The following NFX1 variants were observed in gnomAD, a reference collection of about 807,000 sequenced individuals.
NFX1 encodes nuclear transcription factor, X-box binding 1.
Under a neutral mutation model 137.2 loss-of-function variants are expected in NFX1, and 69 were observed. That is an observed-to-expected ratio of 0.50 (90% confidence interval 0.41 to 0.61). The LOEUF (loss-of-function observed/expected upper bound fraction) is 0.61, where lower values mean the gene tolerates loss of function less well. Ranked by LOEUF, NFX1 falls within the 20% of genes least tolerant of loss-of-function variation. The pLI is 0.00. For missense variants in NFX1, 1,167 were observed against 1,391.0 expected (o/e 0.84, Z 2.56); for synonymous variants, 495 against 474.1 (o/e 1.04, Z -0.57).
chr9:33,297,559 G>C (rs1821401916), intron 2 of NFX1, among the ~76,000 whole-genome samples: 1 of 152,200 alleles, frequency 6.6e-6, no homozygotes. Context: ...TCTGCTCAGT[G>C]TCTCCAAATT....
intron 9 of NFX1, among the ~76,000 whole-genome samples, chr9:33,324,523 G>T (rs1822506121): frequency 6.6e-6 from 1 of 152,132 alleles, no homozygotes. Context: ...TGCGCTTCAG[G>T]TGGGCAAGAA....
intron 9 of NFX1, among the ~76,000 whole-genome samples, chr9:33,320,606 A>C (rs1822349774): frequency 6.6e-6 from 1 of 152,206 alleles, no homozygotes; most frequent in African/African-American, 2.4e-5. Context: ...GCTCATTGGA[A>C]TTAGATACAA....
chr9:33,350,303 C>CAAA (rs35938162), intron 15 of NFX1, among the ~76,000 whole-genome samples: 3 of 53,380 alleles, frequency 5.6e-5, no homozygotes, highest in African/African-American at 1.4e-4. Context: ...GACTCCATCT[C>CAAA]AAAAAAAAAA....
chr9:33,314,165 G>C (rs564679411), intron 7 of NFX1, among the ~76,000 whole-genome samples: 13 of 151,858 alleles, frequency 8.6e-5, no homozygotes, highest in African/African-American at 2.9e-4. Context: ...TGTGTTTTTA[G>C]TAGAGATAGG....
intron 2 of NFX1, among the ~76,000 whole-genome samples, chr9:33,295,630 C>T (rs769979489): frequency 3.3e-5 from 5 of 152,198 alleles, no homozygotes; most frequent in Non-Finnish European, 7.3e-5. Context: ...TTATGCATAT[C>T]ACAAGCAAAT....
At chr9:33,348,293 A>G (rs1823507070) in intron 15 of NFX1, 1 of 152,112 alleles carries the variant, frequency 6.6e-6, no homozygotes, top group African/African-American at 2.4e-5. Flanking sequence ...CGGATGTTGC[A>G]GTGAGCCAAT....
intron 12 of NFX1, among the ~76,000 whole-genome samples, chr9:33,340,391 A>C (rs1260006097): frequency 6.6e-6 from 1 of 152,164 alleles, no homozygotes; most frequent in Non-Finnish European, 1.5e-5. Context: ...GATGCAGGGC[A>C]CCAAGTCCCG....
rs762945725 is a variant in NFX1 at position 33,294,663 on chromosome 9, C to A, written c.269C>A (p.Ser90Tyr). 1 of 1,614,216 alleles carries A rather than the reference C, an allele frequency of 6.2e-7. No homozygotes were observed. The highest frequency in any genetic ancestry group is 1.1e-5 in the South Asian group (1 of 91,084). The change falls in exon 2 of 24, where the codon TCT (serine) becomes TAT (tyrosine). Residue 90 changes from serine (S) to tyrosine (Y), a missense_variant. By Grantham distance (144) the Ser-to-Tyr change is moderately radical (BLOSUM62 -2). Transcript: ENST00000379540. ...AGTCAGCAGACGTCTTTCCAGTCCT[C>A]TCCTTGTAATAAATCGCCCAAGAGC... ...PKSQQTSFQSSPCNKSPKSHG... is the reference protein window; with the variant it reads ...PKSQQTSFQSYPCNKSPKSHG...
At chr9:33,311,698 G>A (rs1480482898) in intron 6 of NFX1, among the ~76,000 whole-genome samples, 2 of 152,128 alleles carry the variant, frequency 1.3e-5, no homozygotes, top group African/African-American at 2.4e-5. Context: ...GATTACAGGC[G>A]CCTGCCACCG....
chr9:33,303,154 GA>G, intron 3 of NFX1, 36 bp from the exon 4 acceptor site: 3 of 1,567,326 alleles, frequency 1.9e-6, no homozygotes, highest in Non-Finnish European at 2.6e-6. Flanking sequence ...GCTTTTGGAA[GA>G]AAATTTATTT....
chr9:33,342,063 C>T lies in NFX1; in HGVS notation c.2116-683C>T, dbSNP rs546348847. The stretch of plus-strand genomic sequence containing the variant: ...CCCAGGAGGTGGAGGTTGCAGTGAG[C>T]CAAGATCGCACCACCACACTCCAGC... On this transcript the variant is annotated intron_variant, in intron 12 of 23. Coordinates refer to ENST00000379540, the MANE Select transcript of NFX1 (RefSeq NM_002504.6). Among the ~76,000 whole-genome samples the T allele has an allele frequency of 4.0e-5, 6 of 151,730 alleles. No individual in the cohort carries two copies. In the South Asian group the frequency reaches 1.2e-3, roughly 32 times the overall value.
At chr9:33,317,289 C>T (rs796485970) in intron 7 of NFX1, among the ~76,000 whole-genome samples, 32 of 151,600 alleles carry the variant, frequency 2.1e-4, no homozygotes, top group African/African-American at 7.0e-4. Flanking sequence ...TGTAGTGGCA[C>T]GCACCTGTAC....
intron 1 of NFX1, among the ~76,000 whole-genome samples, chr9:33,292,127 C>T (rs1587809788): frequency 6.6e-6 from 1 of 152,130 alleles, no homozygotes; most frequent in African/African-American, 2.4e-5. Context: ...TTCGGTGGGG[C>T]CTAGTTGTGA....
chr9:33,351,445 G>A (rs1225836378), intron 15 of NFX1, 115 bp from the exon 16 acceptor site: 11 of 1,041,532 alleles, frequency 1.1e-5, no homozygotes, highest in Admixed American at 4.2e-5. Flanking sequence ...CCCTATATCC[G>A]AAAACAAAAC....
Position 33,358,868 on chromosome 9 carries a change from G to GT in NFX1, c.2873+3986dup, listed in dbSNP as rs987213942. 2.4e-3 allele frequency among the ~76,000 whole-genome samples: 334 copies of GT among 142,108 alleles called. 1 individual carries two copies. The highest frequency in any genetic ancestry group is 7.6e-3 in the East Asian group (37 of 4,862). The allele number at this position is 142,108 out of a possible 152,430, so 93.2% of individuals were successfully genotyped here. On this transcript the variant is annotated intron_variant, in intron 19 of 23. Transcript: ENST00000379540. The stretch of plus-strand genomic sequence containing the variant: ...TGTACCACACCCAGCTAATTTTTTT[G>GT]TTTTTTTTTTGGTAGAGATGGCATC...
At chr9:33,331,364 G>A (rs1822800211) in intron 10 of NFX1, among the ~76,000 whole-genome samples, 1 of 152,196 alleles carries the variant, frequency 6.6e-6, no homozygotes, top group Non-Finnish European at 1.5e-5. Flanking sequence ...TCTGATAAAT[G>A]TATGCTGTGT....
At position 33,342,706 on chromosome 9, in the gene NFX1, G is replaced by T. The variant is rs764374865; in HGVS notation, c.2116-40G>T. The T allele has an allele frequency of 5.9e-6, 8 of 1,361,276 alleles. No homozygotes were observed. The African/African-American group carries it at 1.0e-4, about 17-fold the overall frequency. 84.3% of individuals were successfully genotyped at this position (1,361,276 alleles called of 1,614,324 possible). ...TTGTTATTTATGGAAAATATAAAATGAAGACCATTTTATGAACAAATATAA... is the reference window on the plus strand; with the variant it reads ...TTGTTATTTATGGAAAATATAAAATTAAGACCATTTTATGAACAAATATAA... On this transcript the variant is annotated intron_variant, in intron 12 of 23. Transcript: ENST00000379540.
rs73478944 is a variant in NFX1, at chr9:33,370,361, C to A, written c.*383C>A. The A allele has an allele frequency of 5.3e-3, 851 of 161,564 alleles. 8 individuals carry two copies. The highest frequency in any genetic ancestry group is 0.02 in the African/African-American group (821 of 41,894). 10.0% of individuals were successfully genotyped at this position (161,564 alleles called of 1,614,324 possible). A position where few individuals can be genotyped will look rare whatever the true frequency, so the allele number is the denominator to read the frequency against. On this transcript the variant is annotated 3_prime_UTR_variant, in exon 24 of 24. Coordinates refer to ENST00000379540, the MANE Select transcript of NFX1 (RefSeq NM_002504.6). The stretch of plus-strand genomic sequence containing the variant: ...TCAGTTGTCCCAGTTATTTGTCCTC[C>A]TGAAAATGCCTGAAACATCAGACAG...
At chr9:33,327,309 G>A (rs1361129322) in intron 9 of NFX1, among the ~76,000 whole-genome samples, 1 of 152,142 alleles carries the variant, frequency 6.6e-6, no homozygotes, top group Non-Finnish European at 1.5e-5. Context: ...ACAGGCATGA[G>A]CCACTGCACC....
Sources: gnomAD v4.1 joint callset for allele counts (sites outside exome capture counted in the v4.1 genomes callset) on GRCh38, gnomAD v4.1.1 for gene constraint, MANE v1.5 for transcripts, NCBI Gene and HGNC (gene_info 2026-07-23, HGNC 2026-07-21) for gene names.